NAV1: variants seen among roughly 807,000 people sequenced by gnomAD.
The protein encoded by NAV1 is pore membrane and/or filament interacting like protein 3.
A neutral mutation model predicts 175.2 loss-of-function variants in NAV1; 18 were observed. The observed-to-expected ratio is 0.10, with a 90% CI of 0.07 to 0.15. NAV1 has a LOEUF of 0.15. Ranked by LOEUF, NAV1 falls within the 10% of genes least tolerant of loss-of-function variation. The pLI, the probability that NAV1 is intolerant of heterozygous loss-of-function variation, is 1.00. For missense variants in NAV1, 1,731 were observed against 2,436.6 expected (o/e 0.71, Z 6.10); for synonymous variants, 897 against 978.7 (o/e 0.92, Z 1.56).
chr1:201,698,919 T>TGGGCCTCAGTGGCA (rs1171228891), intron 1 of NAV1, among the ~76,000 whole-genome samples: 1 of 152,236 alleles, frequency 6.6e-6, no homozygotes, highest in Non-Finnish European at 1.5e-5. Flanking sequence ...TAACTCATTC[T>TGGGCCTCAGTGGCA]GGGCCTCAGT....
intron 1 of NAV1, among the ~76,000 whole-genome samples, chr1:201,549,928 G>A (rs778067472): frequency 4.8e-5 from 7 of 147,080 alleles, no homozygotes; most frequent in Admixed American, 6.9e-5. Context: ...GGAGAATGGC[G>A]TGAACCCAGG....
chr1:201,800,841 T>TTTA (rs869279679), intron 15 of NAV1, among the ~76,000 whole-genome samples: 194 of 121,510 alleles, frequency 1.6e-3, no homozygotes, highest in Non-Finnish European at 2.8e-3. Flanking sequence ...TTTTTTTTTT[T>TTTA]AGACAGGGTC....
intron 3 of NAV1, among the ~76,000 whole-genome samples, chr1:201,725,643 C>T (rs982154459): frequency 6.2e-5 from 4 of 64,610 alleles, no homozygotes; most frequent in African/African-American, 8.4e-5. Context: ...AGCAAGACTC[C>T]GTCTCTTAAA....
rs1405732230 is a variant in NAV1, at chr1:201,584,889, G to A, written c.-143-3650G>A. 2.0e-5 allele frequency among the ~76,000 whole-genome samples: 3 copies of A among 152,320 alleles called. No individual in the cohort carries two copies. The East Asian group carries it at 5.8e-4, about 29-fold the overall frequency. On this transcript the variant is annotated intron_variant, in intron 1 of 33. Coordinates refer to the NAV1 transcript ENST00000685211. The stretch of plus-strand genomic sequence containing the variant: ...GAAGCTCTTGACCAACTGGCAGGCA[G>A]CCCAAGTCCTGGCATCCCACGGGAG...
chr1:201,613,153 T>A (rs568485), intron 2 of NAV1, among the ~76,000 whole-genome samples: 17 of 152,058 alleles, frequency 1.1e-4, no homozygotes, highest in Non-Finnish European at 2.5e-4. Flanking sequence ...ATCTAAGTCA[T>A]CTTCATGTAC....
At chr1:201,601,716 C>T (rs1434219077) in intron 2 of NAV1, among the ~76,000 whole-genome samples, 4 of 152,202 alleles carry the variant, frequency 2.6e-5, no homozygotes, top group African/African-American at 7.2e-5. Flanking sequence ...TGAATTTGGG[C>T]TTCCACCCTG....
intron 3 of NAV1, among the ~76,000 whole-genome samples, chr1:201,767,404 T>C (rs1049603305): frequency 3.9e-5 from 6 of 151,970 alleles, no homozygotes; most frequent in Non-Finnish European, 8.8e-5. Context: ...TGAGCCGAGA[T>C]TGCGCCATTG....
intron 2 of NAV1, among the ~76,000 whole-genome samples, chr1:201,639,359 T>C (rs922672271): frequency 6.6e-6 from 1 of 152,168 alleles, no homozygotes; most frequent in African/African-American, 2.4e-5. Context: ...CAGGACATCA[T>C]GGAGTTCTGG....
intron 2 of NAV1, among the ~76,000 whole-genome samples, chr1:201,605,333 T>C (rs1234805799): frequency 6.6e-6 from 1 of 151,998 alleles, no homozygotes; most frequent in African/African-American, 2.4e-5. Flanking sequence ...AGAATCTCCA[T>C]GACAACAAGT....
chr1:201,604,450 G>A (rs1055478974), intron 2 of NAV1, among the ~76,000 whole-genome samples: 2 of 152,166 alleles, frequency 1.3e-5, no homozygotes, highest in Non-Finnish European at 2.9e-5. Context: ...AGGCCGAGGT[G>A]GATAGTAGAT....
chr1:201,640,476 C>T (rs921657470), intron 2 of NAV1, among the ~76,000 whole-genome samples: 22 of 152,162 alleles, frequency 1.4e-4, no homozygotes, highest in African/African-American at 5.3e-4. Flanking sequence ...ACTGCCTGGG[C>T]TGTGAGGATA....
intron 2 of NAV1, among the ~76,000 whole-genome samples, chr1:201,642,525 T>TTTTCTTTCTTTCTTTC (rs762452787): frequency 1.5e-4 from 15 of 100,412 alleles, no homozygotes; most frequent in African/African-American, 6.5e-4. Context: ...TTCTTTCTTT[T>TTTTCTTTCTTTCTTTC]TTTCTTTCTT....
In NAV1 at chr1:201,808,798, T is replaced by C. The variant is rs1571514301; in HGVS notation, c.4134T>C (p.Ser1378=). Reference sequence around the variant, plus strand: ...CTCCAGGGCAGGTCCCTGGATCATCTGCATTATCTTCCCCACGCCGCTCCC... The same window carrying C: ...CTCCAGGGCAGGTCCCTGGATCATCCGCATTATCTTCCCCACGCCGCTCCC... Residue 1378 remains serine, a synonymous_variant, in exon 20 of 30, where the codon TCT becomes TCC. Transcript: ENST00000367296. This position sits in a 1 kb window ranked among gnomAD's most constrained non-coding sequence, Gnocchi z 5.5. 6.2e-7 allele frequency: 1 copy of C among 1,614,136 alleles called. No individual in the cohort carries two copies. The highest frequency in any genetic ancestry group is 8.5e-7 in the Non-Finnish European group (1 of 1,180,044).
intron 1 of NAV1, among the ~76,000 whole-genome samples, chr1:201,549,502 C>T (rs1665783111): frequency 6.6e-6 from 1 of 152,230 alleles, no homozygotes; most frequent in Non-Finnish European, 1.5e-5. Context: ...CGCCAACGCG[C>T]CTGGCCTTCT....
intron 3 of NAV1, chr1:201,719,679 A>C (rs1044375155): frequency 6.5e-6 from 1 of 153,742 alleles, no homozygotes; most frequent in Admixed American, 6.5e-5. Flanking sequence ...GCTTCTCTGG[A>C]GCACCTCTTA....
chr1:201,655,009 GTCAGACACCTATCTATGC>G (rs1236626079), intron 1 of NAV1, among the ~76,000 whole-genome samples: 2 of 152,158 alleles, frequency 1.3e-5, no homozygotes, highest in African/African-American at 4.8e-5. Context: ...TATATTTGGG[GTCAGACACCTATCTATGC>G]TCCATTCGTC....
intron 1 of NAV1, among the ~76,000 whole-genome samples, chr1:201,659,274 G>A (rs1433676205): frequency 3.3e-5 from 5 of 152,204 alleles, no homozygotes; most frequent in African/African-American, 1.2e-4. Context: ...CCTTCCTGAA[G>A]GAGCCGGAAG....
At chr1:201,589,421 ATTAAG>A (rs1207113127) in intron 2 of NAV1, among the ~76,000 whole-genome samples, 5 of 151,918 alleles carry the variant, frequency 3.3e-5, no homozygotes, top group African/African-American at 7.3e-5. Context: ...GAAATGTTAA[ATTAAG>A]TTAATATGTG....
intron 3 of NAV1, among the ~76,000 whole-genome samples, chr1:201,753,483 T>G (rs1195134310): frequency 6.6e-6 from 1 of 152,214 alleles, no homozygotes; most frequent in African/African-American, 2.4e-5. Context: ...TAAGAATGTA[T>G]TGTGTATCTT....
Sources: gnomAD v4.1 joint callset for allele counts (sites outside exome capture counted in the v4.1 genomes callset) on GRCh38, gnomAD v4.1.1 for gene constraint, Gnocchi (gnomAD v3.1) non-coding constraint, MANE v1.5 for transcripts, NCBI Gene and HGNC (gene_info 2026-07-23, HGNC 2026-07-21) for gene names.